The following TEN1 variants were observed in gnomAD, a reference collection of about 807,000 sequenced individuals.
The protein encoded by TEN1 is TEN1 subunit of CST complex.
In TEN1, 6 loss-of-function variants were observed where a neutral mutation model predicts 9.3. The ratio of observed to expected loss-of-function variants is 0.65; its 90% confidence interval spans 0.35 to 1.27. The LOEUF is 1.27. TEN1 is among the 50% of genes most tolerant of loss of function. TEN1 has a pLI of 0.03. For synonymous variants in TEN1, 65 were observed against 65.6 expected (o/e 0.99, Z 0.04); for missense variants, 149 against 158.2 (o/e 0.94, Z 0.31).
At chr17:75,982,297 A>T (rs1019838984) in intron 1 of TEN1, among the ~76,000 whole-genome samples, 1 of 152,208 alleles carries the variant, frequency 6.6e-6, no homozygotes, top group East Asian at 1.9e-4. Context: ...TCATTTGCAT[A>T]AAAATGTACA....
At chr17:75,995,525 G>C (rs183906792) in intron 3 of TEN1, among the ~76,000 whole-genome samples, 1 of 152,188 alleles carries the variant, frequency 6.6e-6, no homozygotes, top group Admixed American at 6.6e-5. Flanking sequence ...TTGCCTAAGA[G>C]CTAGCTAAGA....
At chr17:75,997,537 C>G (rs1464232521) in intron 3 of TEN1, among the ~76,000 whole-genome samples, 1 of 152,118 alleles carries the variant, frequency 6.6e-6, no homozygotes, top group Admixed American at 6.6e-5. Flanking sequence ...GACACTGAAA[C>G]GGCCACCGTT....
chr17:75,989,775 G>A (rs2066173972), intron 2 of TEN1, among the ~76,000 whole-genome samples: 1 of 151,222 alleles, frequency 6.6e-6, no homozygotes, highest in Non-Finnish European at 1.5e-5. Flanking sequence ...CTTTCAACAA[G>A]TGGAACTACT....
chr17:75,990,791 G>GGA (rs1555621567), intron 2 of TEN1, among the ~76,000 whole-genome samples: 3 of 123,404 alleles, frequency 2.4e-5, no homozygotes, highest in African/African-American at 8.3e-5. Context: ...CTGGGATACA[G>GGA]AAAAAAAAAA....
chr17:75,979,540 G>A (rs531721076), intron 1 of TEN1, 29 bp downstream of exon 1: 6 of 300,474 alleles, frequency 2.0e-5, no homozygotes, highest in South Asian at 1.7e-4. Context: ...AAGGGGGCGG[G>A]ACAACGAGGC....
chr17:75,989,145 G>T (rs994044593), intron 2 of TEN1, among the ~76,000 whole-genome samples: 2 of 150,942 alleles, frequency 1.3e-5, no homozygotes, highest in African/African-American at 4.9e-5. Flanking sequence ...TGTTGCCCAG[G>T]CTGGAGTGCA....
At chr17:75,990,859 G>GA (rs1258312556) in intron 2 of TEN1, among the ~76,000 whole-genome samples, 1 of 148,760 alleles carries the variant, frequency 6.7e-6, no homozygotes, top group Non-Finnish European at 1.5e-5. Context: ...AGTCATAAAA[G>GA]AAAAAAATGA....
At chr17:75,985,911 T>TCA (rs1567895898) in intron 1 of TEN1, among the ~76,000 whole-genome samples, 1 of 151,800 alleles carries the variant, frequency 6.6e-6, no homozygotes, top group Admixed American at 6.6e-5. Flanking sequence ...TTATTATACT[T>TCA]TAAGTTCTAG....
chr17:75,988,166 G>A (rs1309703462), intron 2 of TEN1, among the ~76,000 whole-genome samples: 2 of 151,074 alleles, frequency 1.3e-5, no homozygotes, highest in African/African-American at 4.9e-5. Context: ...CTTGAACCCG[G>A]GAGGCAGAGG....
intron 1 of TEN1, among the ~76,000 whole-genome samples, chr17:75,985,728 T>C (rs1338190187): frequency 6.6e-6 from 1 of 151,888 alleles, no homozygotes; most frequent in Non-Finnish European, 1.5e-5. Context: ...TTCTCCATGT[T>C]GGTCAGGCTG....
intron 2 of TEN1, 72 bp downstream of exon 2, chr17:75,986,356 C>A: frequency 7.8e-7 from 1 of 1,277,172 alleles, no homozygotes; most frequent in Non-Finnish European, 1.1e-6. Flanking sequence ...TCCAAAAAGA[C>A]ATAATTAGAA....
At chr17:75,996,996 C>T (rs2066222067) in intron 3 of TEN1, among the ~76,000 whole-genome samples, 2 of 152,120 alleles carry the variant, frequency 1.3e-5, no homozygotes, top group Non-Finnish European at 2.9e-5. Flanking sequence ...GCACCTCTGC[C>T]CCAATTCCAC....
At position 76,000,089 on chromosome 17, in the gene TEN1, G is replaced by A. The variant is rs960558405; in HGVS notation, c.251-52G>A. 36 of 1,537,092 alleles carry A rather than the reference G, an allele frequency of 2.3e-5. No homozygotes were observed. The highest frequency in any genetic ancestry group is 4.1e-5 in the African/African-American group (3 of 72,808). On this transcript the variant is annotated intron_variant, in intron 3 of 3. Coordinates refer to ENST00000397640, the MANE Select transcript of TEN1 (RefSeq NM_001113324.3). This position sits in a 1 kb window ranked among gnomAD's most constrained non-coding sequence, Gnocchi z 5.9. ...ACAGCTGGAATGCACCTTGGAGGAC[G>A]TTGTTGACACGCCGCTCAGTCGCCG...
At chr17:75,994,414 A>G (rs1480453693) in intron 3 of TEN1, among the ~76,000 whole-genome samples, 5 of 149,084 alleles carry the variant, frequency 3.4e-5, no homozygotes. Context: ...AGCCTGGGCA[A>G]CAAGAGCAAA....
chr17:75,993,317 A>T (rs546463840), intron 3 of TEN1, among the ~76,000 whole-genome samples: 1 of 151,672 alleles, frequency 6.6e-6, no homozygotes, highest in Admixed American at 6.6e-5. Context: ...GTTGGCCAGG[A>T]TGGTCTCGAT....
intron 3 of TEN1, among the ~76,000 whole-genome samples, chr17:75,992,502 G>A (rs370763587): frequency 1.3e-5 from 2 of 150,622 alleles, no homozygotes; most frequent in Non-Finnish European, 1.5e-5. Context: ...ACCAAACTCA[G>A]CCTTACTTCT....
chr17:75,991,572 G>T lies in TEN1; in HGVS notation c.199G>T (p.Ala67Ser), dbSNP rs998232737. ...VCTKLVEPFHAQVGSLYIVLG... is the reference protein window; with the variant it reads ...VCTKLVEPFHSQVGSLYIVLG... ...TACCAAGTTGGTGGAGCCCTTCCAC[G>T]CCCAGGTGGGCTCCCTGTACATCGT... The change falls in exon 3 of 4, where the codon GCC (alanine) becomes TCC (serine). Residue 67 changes from alanine to serine, a missense_variant. Coordinates refer to ENST00000397640, the MANE Select transcript of TEN1 (RefSeq NM_001113324.3). 3.2e-6 allele frequency: 5 copies of T among 1,551,966 alleles called. No individual in the cohort carries two copies. In the East Asian group the frequency reaches 1.2e-4, roughly 38 times the overall value.
intron 3 of TEN1, among the ~76,000 whole-genome samples, chr17:75,994,982 G>A (rs1027514344): frequency 6.6e-6 from 1 of 152,120 alleles, no homozygotes; most frequent in African/African-American, 2.4e-5. Context: ...AGCAATTTGG[G>A]ATGCCAAGGA....
At chr17:75,993,108 CTTT>C (rs141385494) in intron 3 of TEN1, among the ~76,000 whole-genome samples, 9 of 128,454 alleles carry the variant, frequency 7.0e-5, no homozygotes, top group Non-Finnish European at 9.8e-5. Flanking sequence ...AAAGTTATTT[CTTT>C]TTTTTTTTTT....
Sources: gnomAD v4.1 joint callset for allele counts (sites outside exome capture counted in the v4.1 genomes callset) on GRCh38, gnomAD v4.1.1 for gene constraint, Gnocchi (gnomAD v3.1) non-coding constraint, MANE v1.5 for transcripts, NCBI Gene and HGNC (gene_info 2026-07-23, HGNC 2026-07-21) for gene names.